The following ABCA10 variants were observed in gnomAD, a reference collection of about 807,000 sequenced individuals.
The protein encoded by ABCA10 is ATP-binding cassette sub-family A member 10.
A neutral mutation model predicts 187.5 loss-of-function variants in ABCA10; 169 were observed. The observed-to-expected ratio is 0.90, with a 90% CI of 0.80 to 1.02. The LOEUF (loss-of-function observed/expected upper bound fraction) is 1.02, where lower values mean the gene tolerates loss of function less well. Among genes scored for constraint, ABCA10 ranks in the 50% least tolerant of loss-of-function variants. ABCA10 has a pLI of 0.00. For synonymous variants in ABCA10, 574 were observed against 601.8 expected (o/e 0.95, Z 0.68); for missense variants, 1,727 against 1,812.4 (o/e 0.95, Z 0.86).
In ABCA10 at chr17:69,148,792, AG is replaced by A. The variant is rs2074106980; in HGVS notation, c.*34del. On this transcript the variant is annotated 3_prime_UTR_variant, in exon 39 of 39. Coordinates refer to ENST00000690296, the MANE Select transcript of ABCA10 (RefSeq NM_001377321.1). ...GAATTATGGAAACTAACAATGTAGT[AG>A]GACCTAAAATTGAATGTTAGGAGGT... 3 of 1,514,496 alleles carry A rather than the reference AG, an allele frequency of 2.0e-6. No individual in the cohort carries two copies. Among genetic ancestry groups the A allele is most frequent in the Non-Finnish European group, 2.7e-6 (3 of 1,094,516 alleles). The allele number at this position is 1,514,496 out of a possible 1,614,324, so 93.8% of individuals were successfully genotyped here.
At chr17:69,232,795 TC>T (rs1423425226), upstream of ABCA10, among the ~76,000 whole-genome samples, 2 of 152,162 alleles carry the variant, frequency 1.3e-5, no homozygotes, top group Admixed American at 6.5e-5. Flanking sequence ...TCTTTATCTC[TC>T]CTTCATTTCT....
chr17:69,154,588 C>A (rs183470198), intron 30 of ABCA10, among the ~76,000 whole-genome samples: 1 of 151,922 alleles, frequency 6.6e-6, no homozygotes. Flanking sequence ...CCACACCCAG[C>A]TAATTTTTAA....
chr17:69,185,331 A>G (rs979553243), intron 20 of ABCA10, 146 bp downstream of exon 20: 1 of 763,582 alleles, frequency 1.3e-6, no homozygotes, highest in Non-Finnish European at 1.9e-6. Flanking sequence ...ATATTAAAAA[A>G]GAAAATTAAC....
At chr17:69,190,519 C>T in intron 17 of ABCA10, 42 bp from the exon 18 acceptor site, 1 of 1,495,800 alleles carries the variant, frequency 6.7e-7, no homozygotes, top group Non-Finnish European at 8.9e-7. Flanking sequence ...TTAAAATTAT[C>T]AATGAGTATA....
chr17:69,219,928 A>C (rs1216780131), intron 5 of ABCA10, among the ~76,000 whole-genome samples, 157 bp from the exon 6 acceptor site: 1 of 152,216 alleles, frequency 6.6e-6, no homozygotes, highest in Non-Finnish European at 1.5e-5. Flanking sequence ...TTTTGATACC[A>C]ATTGACATTA....
chr17:69,193,618 A>T lies in ABCA10; in HGVS notation c.1522-6T>A, dbSNP rs2074477855. 1 of 1,596,638 alleles carries T rather than the reference A, an allele frequency of 6.3e-7. No homozygotes were observed. The highest frequency in any genetic ancestry group is 1.3e-5 in the African/African-American group (1 of 74,170). ...TCCATTATAATTCTTTTTACCTATC[A>T]AAGAAAACTCTGTGTTAACAATATC... On this transcript the variant is annotated splice_polypyrimidine_tract_variant and splice_region_variant and intron_variant, in intron 13 of 38. Coordinates refer to ENST00000690296, the MANE Select transcript of ABCA10 (RefSeq NM_001377321.1).
Position 69,192,577 on chromosome 17 carries a change from A to G in ABCA10, c.1857T>C (p.Ile619=). The G allele has an allele frequency of 6.2e-7, 1 of 1,612,576 alleles. No individual in the cohort carries two copies. Among genetic ancestry groups the G allele is most frequent in the Non-Finnish European group, 8.5e-7 (1 of 1,178,950 alleles). ...SSLFLKRKWG[I]GYHLSLHRNE... ...AGAATACATACCTTAAATGATATCC[A>G]ATACCCCACTTTCGCTTCAGAAACA... The change falls in exon 16 of 39, where the codon ATT becomes ATC. Residue 619 remains isoleucine, a synonymous_variant. Coordinates refer to ENST00000690296, the MANE Select transcript of ABCA10 (RefSeq NM_001377321.1).
At chr17:69,217,328 T>C (rs2074714036) in intron 6 of ABCA10, among the ~76,000 whole-genome samples, 1 of 152,166 alleles carries the variant, frequency 6.6e-6, no homozygotes, top group Non-Finnish European at 1.5e-5. Flanking sequence ...CAAAACATTG[T>C]TGCTTTTGAA....
chr17:69,191,412 A>G (rs2074459215), intron 16 of ABCA10, 97 bp from the exon 17 acceptor site: 11 of 1,222,812 alleles, frequency 9.0e-6, no homozygotes, highest in Non-Finnish European at 1.2e-5. Context: ...TATGTATTAC[A>G]GGCATATTCT....
chr17:69,148,128 TATA>T lies in ABCA10; in HGVS notation c.*696_*698del, dbSNP rs1273728063. 6.6e-6 allele frequency: 1 copy of T among 152,194 alleles called. No individual in the cohort carries two copies. Among genetic ancestry groups the T allele is most frequent in the Non-Finnish European group, 1.5e-5 (1 of 68,046 alleles). The allele number at this position is 152,194 out of a possible 1,614,324, so 9.4% of individuals were successfully genotyped here. On this transcript the variant is annotated 3_prime_UTR_variant, in exon 39 of 39. Coordinates refer to ENST00000690296, the MANE Select transcript of ABCA10 (RefSeq NM_001377321.1). ...CAGCAATTATATAACACAAAAGTGCTATAATGACATGGGAAATGTTCATGAACT... is the reference window on the plus strand; with the variant it reads ...CAGCAATTATATAACACAAAAGTGCTATGACATGGGAAATGTTCATGAACT...
In ABCA10 at chr17:69,225,769, C is replaced by G. The variant is rs569402810; in HGVS notation, c.-171-240G>C. Among the ~76,000 whole-genome samples, 9 of 152,080 alleles carry G rather than the reference C, an allele frequency of 5.9e-5. No individual in the cohort carries two copies. The East Asian group carries it at 1.7e-3, about 29-fold the overall frequency. On this transcript the variant is annotated intron_variant, in intron 2 of 38. Transcript: ENST00000690296. ...CAATCTTAACCCAGTGATTTAGCACCCCTATTAGTGGGACTGCCATTGATT... is the reference window on the plus strand; with the variant it reads ...CAATCTTAACCCAGTGATTTAGCACGCCTATTAGTGGGACTGCCATTGATT...
At chr17:69,236,360 T>TAGTTC (rs2074871221) in intron 1 of ABCA10, among the ~76,000 whole-genome samples, 1 of 152,182 alleles carries the variant, frequency 6.6e-6, no homozygotes, top group African/African-American at 2.4e-5. Flanking sequence ...TGTAAGAAGA[T>TAGTTC]AGTTCACATA....
chr17:69,161,032 T>A (rs944404462), intron 27 of ABCA10, among the ~76,000 whole-genome samples: 70 of 152,216 alleles, frequency 4.6e-4, no homozygotes, highest in Non-Finnish European at 7.8e-4. Flanking sequence ...ATAGATTTTT[T>A]AAATTATGGT....
upstream of ABCA10, chr17:69,228,875 C>T (rs1271253226): frequency 6.6e-6 from 1 of 151,686 alleles, no homozygotes; most frequent in African/African-American, 2.4e-5. Flanking sequence ...TTGGCATACA[C>T]ACAAAAAAAG....
Position 69,149,036 on chromosome 17 carries a change from C to T in ABCA10, c.4530G>A (p.Glu1510=). Residue 1510 remains glutamate, a synonymous_variant, in exon 38 of 39, where the codon GAG becomes GAA. Coordinates refer to ENST00000690296, the MANE Select transcript of ABCA10 (RefSeq NM_001377321.1). ...CACTCGTTCAATGAAAACCCACCTG[C>T]TCCAAGGTAGCCTGAGAGAGGCTGT... The part of the protein sequence containing the change: ...EEYSLSQATL[E]QVFLELCKEQ... The T allele has an allele frequency of 1.9e-6, 3 of 1,613,048 alleles. No individual in the cohort carries two copies. The highest frequency in any genetic ancestry group is 2.5e-6 in the Non-Finnish European group (3 of 1,179,760).
In ABCA10 at chr17:69,148,732, T is replaced by C; in HGVS notation, c.*95A>G. ...TATTGAATGTTTATTAAATGTTTTC[T>C]TTTGTTAACTGAAGTAAAAGGAAAC... On this transcript the variant is annotated 3_prime_UTR_variant, in exon 39 of 39. Transcript: ENST00000690296. The C allele has an allele frequency of 9.3e-7, 1 of 1,069,926 alleles. No homozygotes were observed. The highest frequency in any genetic ancestry group is 1.4e-6 in the Non-Finnish European group (1 of 733,938). 66.3% of individuals were successfully genotyped at this position (1,069,926 alleles called of 1,614,324 possible). A position where few individuals can be genotyped will look rare whatever the true frequency, so the allele number is the denominator to read the frequency against.
intron 37 of ABCA10, 189 bp from the exon 38 acceptor site, chr17:69,149,277 T>G (rs2074110556): frequency 1.7e-6 from 1 of 595,172 alleles, no homozygotes. Flanking sequence ...ATGAACATAT[T>G]CAGTTTCCTA....
intron 25 of ABCA10, among the ~76,000 whole-genome samples, chr17:69,166,831 C>T (rs1025350299): frequency 6.6e-6 from 1 of 152,128 alleles, no homozygotes; most frequent in Non-Finnish European, 1.5e-5. Context: ...TGGAAGTGCC[C>T]TCCCTATTCT....
At chr17:69,193,726 C>G in intron 13 of ABCA10, 88 bp downstream of exon 13, 2 of 1,559,478 alleles carry the variant, frequency 1.3e-6, no homozygotes, top group South Asian at 2.4e-5. Context: ...CTTTACCTAT[C>G]AAAGAGTAGA....
Sources: gnomAD v4.1 joint callset for allele counts (sites outside exome capture counted in the v4.1 genomes callset) on GRCh38, gnomAD v4.1.1 for gene constraint, MANE v1.5 for transcripts, NCBI Gene and HGNC (gene_info 2026-07-23, HGNC 2026-07-21) for gene names.